The following FANCM variants were observed in gnomAD, a reference collection of about 807,000 sequenced individuals.
The protein encoded by FANCM is FA complementation group M, also known as Fanconi anemia group M protein.
FANCM carries 140 observed loss-of-function variants against 199.5 expected under a neutral mutation model. The observed-to-expected ratio is 0.70, with a 90% CI of 0.61 to 0.81. FANCM has a LOEUF of 0.81. Ranked by LOEUF, FANCM falls within the 30% of genes least tolerant of loss-of-function variation. FANCM has a pLI of 0.00. For missense variants in FANCM, 2,410 were observed against 2,421.4 expected, an observed-to-expected ratio of 1.00 and a Z score of 0.10; for synonymous variants, 840 against 836.8, an observed-to-expected ratio of 1.00 and a Z score of -0.07.
chr14:45,166,266 G>A (rs375500382), intron 10 of FANCM, among the ~76,000 whole-genome samples: 2 of 151,904 alleles, frequency 1.3e-5, no homozygotes, highest in Non-Finnish European at 2.9e-5. Flanking sequence ...TGAGTAGCTG[G>A]GACTACAGGC....
rs564183446 is a variant in FANCM at position 45,156,123 on chromosome 14, G to A, written c.1396+664G>A. On this transcript the variant is annotated intron_variant, in intron 8 of 22. Transcript: ENST00000267430. ...TGGTTATAGAAGACTTCTCTGTAGA[G>A]GGATATTTAAAGTGATGATGGAGAT... 1.7e-3 allele frequency among the ~76,000 whole-genome samples: 263 copies of A among 152,208 alleles called. 1 individual carries two copies. The highest frequency in any genetic ancestry group is 6.2e-3 in the African/African-American group (256 of 41,538).
rs909592842 is a variant in FANCM, at chr14:45,200,113, T to C, written c.*105T>C. On this transcript the variant is annotated 3_prime_UTR_variant, in exon 23 of 23. Coordinates refer to ENST00000267430, the MANE Select transcript of FANCM (RefSeq NM_020937.4). Reference sequence around the variant, plus strand: ...ATTTGTAAATAAGAGAATATTTTATTTAAATATTTTATATTGTATACATTT... The same window carrying C: ...ATTTGTAAATAAGAGAATATTTTATCTAAATATTTTATATTGTATACATTT... The C allele has an allele frequency of 1.9e-6, 1 of 528,166 alleles. No homozygotes were observed. The highest frequency in any genetic ancestry group is 2.0e-5 in the African/African-American group (1 of 49,550). 32.7% of individuals were successfully genotyped at this position (528,166 alleles called of 1,614,324 possible).
In FANCM at chr14:45,199,953, A is replaced by G; in HGVS notation, c.6092A>G (p.Asp2031Gly). The change falls in exon 23 of 23, where the codon GAC becomes GGC. Residue 2031 changes from aspartate (D) to glycine (G), a missense_variant. Transcript: ENST00000267430. The part of the protein sequence containing the change: ...EIYRYIHYVF[D>G]IQMLPNDLNQ... ...TATAGATATATTCACTATGTATTTG[A>G]CATACAAATGTTACCAAATGATCTT... 1.2e-6 allele frequency: 2 copies of G among 1,603,164 alleles called. No individual in the cohort carries two copies. Among genetic ancestry groups the G allele is most frequent in the Non-Finnish European group, 1.7e-6 (2 of 1,170,342 alleles).
intron 20 of FANCM, among the ~76,000 whole-genome samples, chr14:45,194,315 A>G (rs1329473179): frequency 6.6e-6 from 1 of 151,196 alleles, no homozygotes; most frequent in Non-Finnish European, 1.5e-5. Context: ...AAAAAAAAAA[A>G]CAAAAAAAAA....
At position 45,170,696 on chromosome 14, in the gene FANCM, A is replaced by G. The variant is rs1888283068; in HGVS notation, c.2110A>G (p.Thr704Ala). The G allele has an allele frequency of 1.9e-6, 3 of 1,610,842 alleles. No homozygotes were observed. The highest frequency in any genetic ancestry group is 2.5e-6 in the Non-Finnish European group (3 of 1,177,110). The change falls in exon 12 of 23, where the codon ACA (threonine) becomes GCA (alanine). Residue 704 changes from threonine to alanine, a missense_variant. By Grantham distance (58) the Thr-to-Ala change is moderately conservative. Transcript: ENST00000267430. Reference protein sequence around the residue: ...LRDSDEIKEITLPQVQFSSLQ... With the variant: ...LRDSDEIKEIALPQVQFSSLQ... Reference sequence around the variant, plus strand: ...GGACAGTGATGAAATTAAAGAGATAACATTGCCTCAAGTTCAGTTTTCTTC... The same window carrying G: ...GGACAGTGATGAAATTAAAGAGATAGCATTGCCTCAAGTTCAGTTTTCTTC...
chr14:45,178,531 G>A (rs1888856179), intron 14 of FANCM, among the ~76,000 whole-genome samples: 1 of 152,016 alleles, frequency 6.6e-6, no homozygotes. Flanking sequence ...CTCATTTTCT[G>A]TATTATATAT....
At position 45,175,176 on chromosome 14, in the gene FANCM, A is replaced by G; in HGVS notation, c.2422A>G (p.Thr808Ala). The G allele has an allele frequency of 1.2e-6, 2 of 1,610,280 alleles. No individual in the cohort carries two copies. The highest frequency in any genetic ancestry group is 1.7e-6 in the Non-Finnish European group (2 of 1,177,048). The change falls in exon 14 of 23, where the codon ACC (threonine) becomes GCC (alanine). Residue 808 changes from threonine to alanine, a missense_variant. Thr to Ala is a moderately conservative substitution (Grantham distance 58, BLOSUM62 0). Coordinates refer to ENST00000267430, the MANE Select transcript of FANCM (RefSeq NM_020937.4). The stretch of plus-strand genomic sequence containing the variant: ...TGAATCTAATAATCTTGCCAGTGAC[A>G]CCTTTATCACTCACAAGAAATCGTC... ...RNESNNLASD[T>A]FITHKKSSFI...
intron 3 of FANCM, among the ~76,000 whole-genome samples, chr14:45,141,787 A>G (rs1380663802): frequency 2.0e-5 from 3 of 151,338 alleles, no homozygotes; most frequent in Non-Finnish European, 2.9e-5. Context: ...ACGGGGTTTC[A>G]CCATGTTGGC....
chr14:45,151,991 T>C (rs79199322), intron 5 of FANCM, among the ~76,000 whole-genome samples: 13,319 of 150,358 alleles, frequency 0.089, 747 homozygotes, highest in South Asian at 0.18. Flanking sequence ...GAATACAATG[T>C]AATGATTTGA....
chr14:45,181,807 G>C, intron 16 of FANCM, 102 bp downstream of exon 16: 1 of 745,838 alleles, frequency 1.3e-6, no homozygotes, highest in Non-Finnish European at 2.3e-6. Context: ...TTAATCCTTA[G>C]TAGAAAAGTT....
intron 14 of FANCM, among the ~76,000 whole-genome samples, chr14:45,178,509 A>G (rs1888854803): frequency 1.3e-5 from 2 of 152,188 alleles, no homozygotes; most frequent in Admixed American, 1.3e-4. Flanking sequence ...TTAATTCAAG[A>G]CAGAATTTAA....
chr14:45,155,468 T>A lies in FANCM; in HGVS notation c.1396+9T>A. 1.5e-6 allele frequency: 2 copies of A among 1,372,208 alleles called. No homozygotes were observed. The highest frequency in any genetic ancestry group is 2.1e-6 in the Non-Finnish European group (2 of 961,074). 85.0% of individuals were successfully genotyped at this position (1,372,208 alleles called of 1,614,324 possible). On this transcript the variant is annotated intron_variant, in intron 8 of 22. Transcript: ENST00000267430. ...CTTCAAGTCATGGAATGGTAGGTCA[T>A]ATTTAGTAGCTTTAAGGCAAGACAA...
chr14:45,195,636 T>G (rs1890014157), intron 20 of FANCM: 1 of 447,122 alleles, frequency 2.2e-6, no homozygotes, highest in Non-Finnish European at 4.5e-6. Flanking sequence ...ATGTTGTTTT[T>G]GACCTCGGTG....
intron 17 of FANCM, among the ~76,000 whole-genome samples, chr14:45,184,660 C>CAAAAA (rs776110476): frequency 1.6e-5 from 1 of 62,178 alleles, no homozygotes; most frequent in Admixed American, 1.7e-4. Context: ...GACTCTGTCT[C>CAAAAA]AAAAAAAAAA....
intron 10 of FANCM, among the ~76,000 whole-genome samples, chr14:45,166,074 CA>C (rs1887948055): frequency 6.6e-6 from 1 of 151,408 alleles, no homozygotes; most frequent in Non-Finnish European, 1.5e-5. Context: ...TTACTTTATG[CA>C]GTATAACTGC....
chr14:45,176,230 T>C lies in FANCM; in HGVS notation c.3476T>C (p.Leu1159Ser), dbSNP rs1045206208. The C allele has an allele frequency of 7.4e-6, 12 of 1,613,994 alleles. No individual in the cohort carries two copies. Among genetic ancestry groups the C allele is most frequent in the Non-Finnish European group, 1.0e-5 (12 of 1,179,966 alleles). The change falls in exon 14 of 23, where the codon TTA becomes TCA. Residue 1159 changes from leucine to serine, a missense_variant. Coordinates refer to ENST00000267430, the MANE Select transcript of FANCM (RefSeq NM_020937.4). The part of the protein sequence containing the change: ...LSPLNSKSES[L>S]PVSDKTAISE... Reference sequence around the variant, plus strand: ...CCCTTGAACAGTAAAAGCGAATCTTTACCTGTGTCAGACAAAACTGCTATT... The same window carrying C: ...CCCTTGAACAGTAAAAGCGAATCTTCACCTGTGTCAGACAAAACTGCTATT...
Position 45,153,971 on chromosome 14 carries a change from T to A in FANCM, c.1102T>A (p.Tyr368Asn). Residue 368 changes from tyrosine (Y) to asparagine (N), a missense_variant, in exon 6 of 23, where the codon TAT becomes AAT. Physicochemically the swap from Tyr to Asn is moderately radical, Grantham distance 143. Transcript: ENST00000267430. ...EGEFAICISL[Y>N]HGYELLQQMG... is the part of the protein sequence containing the mutation. ...AGAGTTTGCTATTTGTATTAGTTTA[T>A]ATCATGGTTATGAATTATTGCAGCA... 6.3e-7 allele frequency: 1 copy of A among 1,599,876 alleles called. No individual in the cohort carries two copies. The highest frequency in any genetic ancestry group is 8.6e-7 in the Non-Finnish European group (1 of 1,167,118).
intron 20 of FANCM, among the ~76,000 whole-genome samples, chr14:45,193,347 C>A (rs1168848150): frequency 6.6e-6 from 1 of 152,154 alleles, no homozygotes; most frequent in African/African-American, 2.4e-5. Flanking sequence ...TATGGCTGAA[C>A]CAGGACAACA....
Position 45,148,892 on chromosome 14 carries a change from A to T in FANCM, c.815A>T (p.Glu272Val), listed in dbSNP as rs1456725108. The change falls in exon 4 of 23, where the codon GAA (glutamate) becomes GTA (valine). Residue 272 changes from glutamate (E) to valine (V), a missense_variant. Coordinates refer to ENST00000267430, the MANE Select transcript of FANCM (RefSeq NM_020937.4). ...ATTGGGCAGATAGAGCTTCGTTCTG[A>T]AGATTCTCCAGATATTTTGACATAT... ...LLIGQIELRS[E>V]DSPDILTYSH... 1 of 1,610,862 alleles carries T rather than the reference A, an allele frequency of 6.2e-7. No homozygotes were observed. Among genetic ancestry groups the T allele is most frequent in the Admixed American group, 1.7e-5 (1 of 60,022 alleles).
Sources: allele counts gnomAD v4.1 joint callset (sites outside exome capture counted in the v4.1 genomes callset), GRCh38; gene constraint gnomAD v4.1.1; transcripts MANE v1.5; gene names NCBI Gene and HGNC (gene_info 2026-07-23, HGNC 2026-07-21).